Variants in PDE7B observed in about 807,000 individuals in gnomAD.
The protein encoded by PDE7B is phosphodiesterase 7B.
In PDE7B, 29 loss-of-function variants were observed where a neutral mutation model predicts 56.2. The ratio of observed to expected loss-of-function variants is 0.52; its 90% CI spans 0.38 to 0.70. PDE7B has a LOEUF of 0.70. PDE7B is among the 30% of genes least tolerant of loss of function. The pLI is 0.00. For missense variants in PDE7B, 490 were observed against 565.0 expected (o/e 0.87, Z 1.35); for synonymous variants, 197 against 196.9 (o/e 1.00, Z 0.00).
chr6:136,101,123 C>G (rs773065435), intron 2 of PDE7B, among the ~76,000 whole-genome samples: 2 of 152,086 alleles, frequency 1.3e-5, no homozygotes, highest in African/African-American at 4.8e-5. Flanking sequence ...TCGACTTGAT[C>G]GTGGTGGATA....
chr6:135,866,399 C>T (rs915339211), intron 1 of PDE7B, among the ~76,000 whole-genome samples: 65 of 151,968 alleles, frequency 4.3e-4, no homozygotes, highest in Admixed American at 2.2e-3. Context: ...TAATATTATG[C>T]GAACATTTCT....
In PDE7B at chr6:135,856,361, C is replaced by T. The variant is rs560379644; in HGVS notation, c.21+4342C>T. Among the ~76,000 whole-genome samples the T allele has an allele frequency of 1.6e-4, 25 of 152,296 alleles. No homozygotes were observed. In the South Asian group the frequency reaches 2.9e-3, roughly 18 times the overall value. On this transcript the variant is annotated intron_variant, in intron 1 of 12. Coordinates refer to ENST00000308191, the MANE Select transcript of PDE7B (RefSeq NM_018945.4). ...AGAAACTTTAATATTACAAGACAAACGTCTTTTTCCTAAATGCCAATCACT... is the reference window on the plus strand; with the variant it reads ...AGAAACTTTAATATTACAAGACAAATGTCTTTTTCCTAAATGCCAATCACT...
intron 1 of PDE7B, among the ~76,000 whole-genome samples, chr6:135,874,722 T>C (rs1250897710): frequency 6.6e-6 from 1 of 152,218 alleles, no homozygotes; most frequent in Non-Finnish European, 1.5e-5. Context: ...TGATTATATG[T>C]AGTCATCAGA....
intron 8 of PDE7B, among the ~76,000 whole-genome samples, chr6:136,158,360 A>G (rs988510577): frequency 6.6e-6 from 1 of 152,218 alleles, no homozygotes; most frequent in Non-Finnish European, 1.5e-5. Context: ...ATATGTACAT[A>G]TACGCACAAA....
intron 2 of PDE7B, among the ~76,000 whole-genome samples, chr6:136,017,172 A>T (rs12203007): frequency 0.015 from 2,234 of 152,352 alleles, 26 homozygotes; most frequent in Non-Finnish European, 0.022. Context: ...GGAGTATATT[A>T]CACATTCATA....
At chr6:136,115,707 C>T (rs140857026) in intron 3 of PDE7B, among the ~76,000 whole-genome samples, 77 of 152,218 alleles carry the variant, frequency 5.1e-4, no homozygotes, top group African/African-American at 1.7e-3. Flanking sequence ...TCTGGGTTTT[C>T]ATTCATTTAT....
intron 12 of PDE7B, among the ~76,000 whole-genome samples, chr6:136,187,643 C>A (rs1779163222): frequency 6.6e-6 from 1 of 152,178 alleles, no homozygotes; most frequent in African/African-American, 2.4e-5. Context: ...TCTCCTAAAA[C>A]CACACTCTCT....
chr6:136,088,805 A>C (rs566665222), intron 2 of PDE7B, among the ~76,000 whole-genome samples: 1 of 151,992 alleles, frequency 6.6e-6, no homozygotes, highest in Admixed American at 6.6e-5. Flanking sequence ...ATTGAATCGT[A>C]CACTTTAAAT....
At chr6:136,138,103 G>A (rs1778247305) in intron 3 of PDE7B, among the ~76,000 whole-genome samples, 1 of 151,878 alleles carries the variant, frequency 6.6e-6, no homozygotes, top group Non-Finnish European at 1.5e-5. Context: ...ATTGTATAAG[G>A]GTCTTAAATA....
At chr6:135,975,101 T>C (rs1198250867) in intron 2 of PDE7B, among the ~76,000 whole-genome samples, 2 of 151,666 alleles carry the variant, frequency 1.3e-5, no homozygotes, top group African/African-American at 4.8e-5. Flanking sequence ...CAAAATGTCA[T>C]GAGGGAATGC....
At chr6:135,963,366 TAC>T (rs765239030) in intron 2 of PDE7B, among the ~76,000 whole-genome samples, 1 of 152,174 alleles carries the variant, frequency 6.6e-6, no homozygotes, top group Non-Finnish European at 1.5e-5. Flanking sequence ...GGAATAAAGG[TAC>T]AGTTATTTTG....
At chr6:135,962,116 C>A (rs1774912810) in intron 2 of PDE7B, among the ~76,000 whole-genome samples, 1 of 152,024 alleles carries the variant, frequency 6.6e-6, no homozygotes, top group South Asian at 2.1e-4. Context: ...AATTGCTTTA[C>A]CTTCCTCTCA....
At chr6:135,905,778 A>G (rs1446462661) in intron 1 of PDE7B, among the ~76,000 whole-genome samples, 2 of 152,144 alleles carry the variant, frequency 1.3e-5, no homozygotes, top group Non-Finnish European at 2.9e-5. Context: ...ACTACGCAAA[A>G]GCCAGCATGA....
intron 1 of PDE7B, among the ~76,000 whole-genome samples, chr6:135,854,800 T>A (rs1287103449): frequency 6.6e-6 from 1 of 152,182 alleles, no homozygotes; most frequent in Non-Finnish European, 1.5e-5. Context: ...GTGGTTTACA[T>A]GCAAACTTGA....
chr6:136,189,277 A>G (rs1779186073), intron 12 of PDE7B, among the ~76,000 whole-genome samples: 1 of 152,306 alleles, frequency 6.6e-6, no homozygotes, highest in South Asian at 2.1e-4. Flanking sequence ...TAAAAGGAAG[A>G]TATTAGCCAG....
intron 2 of PDE7B, among the ~76,000 whole-genome samples, chr6:135,957,136 A>G (rs764951556): frequency 1.3e-5 from 2 of 152,172 alleles, no homozygotes; most frequent in Non-Finnish European, 2.9e-5. Context: ...GCATGGAGAT[A>G]GAGACAGGTG....
intron 3 of PDE7B, among the ~76,000 whole-genome samples, chr6:136,134,205 A>G (rs938176602): frequency 1.1e-4 from 17 of 152,210 alleles, no homozygotes; most frequent in Non-Finnish European, 1.9e-4. Context: ...AAACTAGCAG[A>G]GACACTGAAA....
At chr6:135,981,213 T>G (rs1775288608) in intron 2 of PDE7B, among the ~76,000 whole-genome samples, 1 of 145,720 alleles carries the variant, frequency 6.9e-6, no homozygotes, top group East Asian at 2.0e-4. Context: ...ATATTCTCAC[T>G]CATAGGTGGG....
Position 135,928,961 on chromosome 6 carries a change from A to G in PDE7B, c.22-18503A>G, listed in dbSNP as rs187877435. Among the ~76,000 whole-genome samples the G allele has an allele frequency of 4.7e-4, 71 of 152,262 alleles. 1 individual carries two copies. The highest frequency in any genetic ancestry group is 7.9e-4 in the Non-Finnish European group (54 of 68,024). ...TGCACGTGTACCCTCTGAACCTAAAATAAATAACAGAAAGTATAGACCTAC... is the reference window on the plus strand; with the variant it reads ...TGCACGTGTACCCTCTGAACCTAAAGTAAATAACAGAAAGTATAGACCTAC... On this transcript the variant is annotated intron_variant, in intron 1 of 12. Transcript: ENST00000308191.
Sources: allele counts gnomAD v4.1 joint callset (sites outside exome capture counted in the v4.1 genomes callset), GRCh38; gene constraint gnomAD v4.1.1; transcripts MANE v1.5; gene names NCBI Gene and HGNC (gene_info 2026-07-23, HGNC 2026-07-21).